Variants in RSPO2 observed in about 807,000 individuals in gnomAD.
The protein encoded by RSPO2 is R-spondin-2.
In RSPO2, 14 loss-of-function variants were observed where a neutral mutation model predicts 30.9. The ratio of observed to expected loss-of-function variants is 0.45; its 90% CI spans 0.30 to 0.71. RSPO2 has a LOEUF of 0.71. Ranked by LOEUF, RSPO2 falls within the 30% of genes least tolerant of loss-of-function variation. The pLI, the probability that RSPO2 is intolerant of heterozygous loss-of-function variation, is 0.08. For missense variants in RSPO2, 264 were observed against 301.9 expected, an observed-to-expected ratio of 0.87 and a Z score of 0.93; for synonymous variants, 107 against 96.4, an observed-to-expected ratio of 1.11 and a Z score of -0.64.
At chr8:108,047,997 G>A (rs1811958853) in intron 2 of RSPO2, among the ~76,000 whole-genome samples, 1 of 152,038 alleles carries the variant, frequency 6.6e-6, no homozygotes, top group Non-Finnish European at 1.5e-5. Flanking sequence ...AAATAATCCT[G>A]CAGAAGATAA....
At chr8:107,917,260 G>A (rs1022026181) in intron 5 of RSPO2, among the ~76,000 whole-genome samples, 42 of 152,204 alleles carry the variant, frequency 2.8e-4, no homozygotes, top group Non-Finnish European at 4.1e-4. Flanking sequence ...CAAGGCAGGC[G>A]GATCAGCTGA....
chr8:107,963,596 T>C (rs949435932), intron 3 of RSPO2, among the ~76,000 whole-genome samples: 1 of 145,690 alleles, frequency 6.9e-6, no homozygotes. Context: ...AAACTACGTA[T>C]GTGTGCGTGT....
chr8:107,968,160 C>G (rs1012165287), intron 3 of RSPO2, among the ~76,000 whole-genome samples: 1 of 152,040 alleles, frequency 6.6e-6, no homozygotes, highest in South Asian at 2.1e-4. Context: ...TATTGCAGCA[C>G]TATTTATAAT....
intron 5 of RSPO2, among the ~76,000 whole-genome samples, chr8:107,924,055 A>G (rs1812274409): frequency 6.6e-6 from 1 of 151,728 alleles, no homozygotes; most frequent in African/African-American, 2.4e-5. Context: ...AAGTTTACCC[A>G]TATAACAAAG....
At chr8:107,947,135 A>T (rs1813088584) in intron 5 of RSPO2, among the ~76,000 whole-genome samples, 1 of 152,250 alleles carries the variant, frequency 6.6e-6, no homozygotes, top group Non-Finnish European at 1.5e-5. Context: ...ATGTTCCAGG[A>T]CACTGCTTTT....
intron 2 of RSPO2, among the ~76,000 whole-genome samples, chr8:108,014,907 G>A (rs1051211970): frequency 1.3e-5 from 2 of 151,066 alleles, no homozygotes; most frequent in Admixed American, 1.3e-4. Flanking sequence ...TGGAGCATTC[G>A]GGGGGAAAAA....
In RSPO2 at chr8:107,983,210, CT is replaced by C. The variant is rs1814511778; in HGVS notation, c.283+5845del. 2.5e-6 allele frequency: 4 copies of C among 1,575,370 alleles called. No individual in the cohort carries two copies. The Admixed American group carries it at 5.3e-5, about 21-fold the overall frequency. On this transcript the variant is annotated intron_variant, in intron 3 of 5. Coordinates refer to ENST00000276659, the MANE Select transcript of RSPO2 (RefSeq NM_178565.5). ...GTAGGCAAATACGAAGAGGCTATTT[CT>C]TGTCACAAAAAGGCTGCAGCGTATC...
At chr8:108,011,931 G>C (rs1461833653) in intron 2 of RSPO2, among the ~76,000 whole-genome samples, 1 of 152,178 alleles carries the variant, frequency 6.6e-6, no homozygotes, top group African/African-American at 2.4e-5. Context: ...AAAGTACACA[G>C]AGCTGAAAGA....
intron 4 of RSPO2, among the ~76,000 whole-genome samples, chr8:107,959,726 CTTATT>C (rs1442997429): frequency 6.6e-6 from 1 of 152,288 alleles, no homozygotes; most frequent in East Asian, 1.9e-4. Context: ...TAGTGACTTT[CTTATT>C]TTAATAGTGG....
chr8:107,959,519 C>T (rs1451199549), intron 4 of RSPO2, among the ~76,000 whole-genome samples: 1 of 152,152 alleles, frequency 6.6e-6, no homozygotes, highest in African/African-American at 2.4e-5. Context: ...ATTAATATTT[C>T]CATCTTCTAG....
At chr8:107,995,943 A>AT (rs1486594394) in intron 2 of RSPO2, among the ~76,000 whole-genome samples, 1 of 152,166 alleles carries the variant, frequency 6.6e-6, no homozygotes, top group South Asian at 2.1e-4. Context: ...TTTGAAAATC[A>AT]TTTTTGCATA....
intron 5 of RSPO2, among the ~76,000 whole-genome samples, chr8:107,934,212 G>A (rs1053741906): frequency 2.6e-5 from 4 of 151,864 alleles, no homozygotes; most frequent in African/African-American, 9.7e-5. Flanking sequence ...ATATAAATAT[G>A]TTGGCAAAAA....
chr8:107,934,371 C>CT (rs3039296), intron 5 of RSPO2, among the ~76,000 whole-genome samples: 100 of 141,852 alleles, frequency 7.0e-4, no homozygotes, highest in African/African-American at 1.6e-3. Flanking sequence ...TCTCATTTCC[C>CT]TTTTTTTTTT....
chr8:108,000,234 G>C (rs1040760600), intron 2 of RSPO2, among the ~76,000 whole-genome samples: 1 of 152,002 alleles, frequency 6.6e-6, no homozygotes, highest in African/African-American at 2.4e-5. Context: ...ATTAACATTC[G>C]AGATAATCTG....
chr8:108,058,981 A>C (rs1188170015), intron 2 of RSPO2, among the ~76,000 whole-genome samples: 4 of 151,822 alleles, frequency 2.6e-5, no homozygotes, highest in African/African-American at 9.7e-5. Flanking sequence ...TGGCAACAAA[A>C]GACAAAATTG....
At chr8:108,008,486 T>C (rs1815535037) in intron 2 of RSPO2, among the ~76,000 whole-genome samples, 1 of 152,136 alleles carries the variant, frequency 6.6e-6, no homozygotes, top group Non-Finnish European at 1.5e-5. Flanking sequence ...AGACAACTTC[T>C]TACTAACATC....
intron 2 of RSPO2, 34 bp downstream of exon 2, chr8:108,082,511 G>T: frequency 6.4e-7 from 1 of 1,556,818 alleles, no homozygotes; most frequent in Non-Finnish European, 8.9e-7. Context: ...CACCCCTGAA[G>T]CCCACCACGC....
chr8:108,056,941 C>T (rs1281711326), intron 2 of RSPO2, among the ~76,000 whole-genome samples: 1 of 150,416 alleles, frequency 6.6e-6, no homozygotes, highest in African/African-American at 2.4e-5. Context: ...CCCGTAATCC[C>T]AGCTACTCAG....
At chr8:107,979,925 G>C in intron 3 of RSPO2, among the ~76,000 whole-genome samples, 1 of 152,118 alleles carries the variant, frequency 6.6e-6, no homozygotes, top group East Asian at 1.9e-4. Flanking sequence ...GGTGACATCA[G>C]ATGACATTCT....
Sources: gnomAD v4.1 joint callset for allele counts (sites outside exome capture counted in the v4.1 genomes callset) on GRCh38, gnomAD v4.1.1 for gene constraint, MANE v1.5 for transcripts, NCBI Gene and HGNC (gene_info 2026-07-23, HGNC 2026-07-21) for gene names.